Variants in CNTNAP5 observed in about 807,000 individuals in gnomAD.
CNTNAP5 encodes the protein contactin associated protein family member 5.
A neutral mutation model predicts 150.2 loss-of-function variants in CNTNAP5; 72 were observed. The observed-to-expected ratio is 0.48, with a 90% CI of 0.40 to 0.58. The LOEUF is 0.58. Among genes scored for constraint, CNTNAP5 ranks in the 20% least tolerant of loss-of-function variants. The pLI, the probability that CNTNAP5 is intolerant of heterozygous loss-of-function variation, is 0.00. For missense variants in CNTNAP5, 1,636 were observed against 1,626.2 expected (o/e 1.01, Z -0.10); for synonymous variants, 672 against 619.8 (o/e 1.08, Z -1.25).
At chr2:124,650,697 T>C (rs201713928) in intron 13 of CNTNAP5, among the ~76,000 whole-genome samples, 1 of 152,304 alleles carries the variant, frequency 6.6e-6, no homozygotes, top group East Asian at 1.9e-4. Flanking sequence ...TGATACTCTT[T>C]TACAGCCTGT....
chr2:124,046,387 C>G (rs1344478642), intron 1 of CNTNAP5, among the ~76,000 whole-genome samples: 1 of 144,630 alleles, frequency 6.9e-6, no homozygotes. Flanking sequence ...GAGCCTTTCC[C>G]TTTGTCCTTT....
At chr2:124,595,122 C>T (rs2104965087) in intron 11 of CNTNAP5, among the ~76,000 whole-genome samples, 1 of 148,446 alleles carries the variant, frequency 6.7e-6, no homozygotes, top group Non-Finnish European at 1.5e-5. Context: ...AATTGAATAC[C>T]CTTTATTTCC....
chr2:124,666,447 A>C (rs772651617), intron 13 of CNTNAP5, among the ~76,000 whole-genome samples: 11 of 152,078 alleles, frequency 7.2e-5, no homozygotes, highest in Admixed American at 2.6e-4. Flanking sequence ...TTAGTATCTT[A>C]TTGTCACAAA....
At chr2:124,771,501 G>T (rs964131794) in intron 16 of CNTNAP5, among the ~76,000 whole-genome samples, 7 of 152,114 alleles carry the variant, frequency 4.6e-5, no homozygotes, top group African/African-American at 1.4e-4. Context: ...GTGCACTTTA[G>T]TTTTCTCACT....
At chr2:124,813,390 T>C (rs907136012) in intron 19 of CNTNAP5, among the ~76,000 whole-genome samples, 1 of 146,670 alleles carries the variant, frequency 6.8e-6, no homozygotes, top group African/African-American at 2.5e-5. Context: ...TTTTTTTTTC[T>C]TTTTTTTTCT....
At chr2:124,603,534 TA>T (rs764922975) in intron 11 of CNTNAP5, among the ~76,000 whole-genome samples, 2 of 152,346 alleles carry the variant, frequency 1.3e-5, no homozygotes, top group East Asian at 3.9e-4. Context: ...CACTGGGCAT[TA>T]CTAAAGGATG....
chr2:124,259,971 C>A (rs1413864566), intron 3 of CNTNAP5, among the ~76,000 whole-genome samples: 1 of 152,110 alleles, frequency 6.6e-6, no homozygotes, highest in African/African-American at 2.4e-5. Flanking sequence ...AATGCCATCC[C>A]CATCAAGCTA....
chr2:124,855,416 G>T (rs895405367), intron 19 of CNTNAP5, among the ~76,000 whole-genome samples: 1 of 151,864 alleles, frequency 6.6e-6, no homozygotes, highest in Non-Finnish European at 1.5e-5. Context: ...CAAGTGATCC[G>T]CCCACCTCAG....
intron 8 of CNTNAP5, among the ~76,000 whole-genome samples, chr2:124,514,095 G>A (rs893096057): frequency 6.6e-6 from 1 of 152,234 alleles, no homozygotes; most frequent in Non-Finnish European, 1.5e-5. Context: ...GTCACAACAA[G>A]CTGTCTGGTT....
intron 12 of CNTNAP5, among the ~76,000 whole-genome samples, chr2:124,646,348 G>A (rs940684443): frequency 2.6e-5 from 4 of 152,100 alleles, no homozygotes; most frequent in African/African-American, 7.2e-5. Flanking sequence ...CTAATTAATC[G>A]TGGTGACTTT....
At chr2:124,090,887 T>C (rs1032042264) in intron 1 of CNTNAP5, among the ~76,000 whole-genome samples, 1 of 152,176 alleles carries the variant, frequency 6.6e-6, no homozygotes, top group African/African-American at 2.4e-5. Flanking sequence ...CAAACAGAGT[T>C]GGAAAGAAAA....
chr2:124,636,546 C>T (rs892029399), intron 12 of CNTNAP5, among the ~76,000 whole-genome samples: 6 of 151,882 alleles, frequency 4.0e-5, no homozygotes, highest in African/African-American at 1.5e-4. Context: ...AATGATCTAC[C>T]ATAATGTAAA....
chr2:124,614,171 A>G (rs894249269), intron 12 of CNTNAP5, among the ~76,000 whole-genome samples: 3 of 152,186 alleles, frequency 2.0e-5, no homozygotes, highest in Non-Finnish European at 2.9e-5. Flanking sequence ...GTGTGTCTAT[A>G]TTAGTTTCCT....
At chr2:124,477,013 T>G (rs1693656452) in intron 7 of CNTNAP5, among the ~76,000 whole-genome samples, 1 of 152,142 alleles carries the variant, frequency 6.6e-6, no homozygotes, top group African/African-American at 2.4e-5. Context: ...TCCCGAGATT[T>G]TTATATATCC....
intron 19 of CNTNAP5, among the ~76,000 whole-genome samples, chr2:124,858,090 C>T (rs551617578): frequency 6.6e-6 from 1 of 152,204 alleles, no homozygotes; most frequent in African/African-American, 2.4e-5. Flanking sequence ...AAACCCACAG[C>T]CAATATCATA....
intron 1 of CNTNAP5, among the ~76,000 whole-genome samples, chr2:124,033,035 G>T (rs185124647): frequency 2.0e-5 from 3 of 152,192 alleles, no homozygotes; most frequent in Non-Finnish European, 4.4e-5. Context: ...GGGCTGCTCA[G>T]TGGAAAGAGA....
chr2:124,549,511 A>T lies in CNTNAP5; in HGVS notation c.1650-13706A>T, dbSNP rs1380260408. Among the ~76,000 whole-genome samples the T allele has an allele frequency of 2.0e-5, 3 of 152,332 alleles. No homozygotes were observed. In the East Asian group the frequency reaches 5.8e-4, roughly 29 times the overall value. On this transcript the variant is annotated intron_variant, in intron 10 of 23. Coordinates refer to ENST00000682447, the MANE Select transcript of CNTNAP5 (RefSeq NM_001367498.1). ...CCTGGTCTATGAAAATAATTCTTTG[A>T]TCCAGGGGGAGGAGTGTCAAAATTT...
intron 6 of CNTNAP5, among the ~76,000 whole-genome samples, chr2:124,463,066 T>A (rs7594534): frequency 1.3e-5 from 2 of 152,192 alleles, no homozygotes; most frequent in Admixed American, 6.5e-5. Context: ...CATAAGGCCC[T>A]GCCCTTGTGA....
In CNTNAP5 at chr2:124,837,921, C is replaced by T. The variant is rs566012663; in HGVS notation, c.3218-27385C>T. 5.3e-5 allele frequency among the ~76,000 whole-genome samples: 8 copies of T among 152,184 alleles called. No homozygotes were observed. In the East Asian group the frequency reaches 9.7e-4, roughly 18 times the overall value. ...CAGTGTTCAAAACCACACTGACTTC[C>T]TTCTAATTTCCTGTTGTGCAAATGG... On this transcript the variant is annotated intron_variant, in intron 19 of 23. Transcript: ENST00000682447.
Sources: allele counts gnomAD v4.1 joint callset (sites outside exome capture counted in the v4.1 genomes callset), GRCh38; gene constraint gnomAD v4.1.1; transcripts MANE v1.5; gene names NCBI Gene and HGNC (gene_info 2026-07-23, HGNC 2026-07-21).